Variants in HUNK observed in about 807,000 individuals in gnomAD.
The protein encoded by HUNK is hormonally up-regulated neu tumor-associated kinase.
Under a neutral mutation model 61.0 loss-of-function variants are expected in HUNK, and 21 were observed. The observed-to-expected ratio is 0.34, with a 90% CI of 0.24 to 0.50. HUNK has a LOEUF of 0.50. Ranked by LOEUF, HUNK falls within the 20% of genes least tolerant of loss-of-function variation. The pLI, the probability that HUNK is intolerant of heterozygous loss-of-function variation, is 0.98. For synonymous variants in HUNK, 371 were observed against 386.1 expected, an observed-to-expected ratio of 0.96 and a Z score of 0.46; for missense variants, 772 against 945.7, an observed-to-expected ratio of 0.82 and a Z score of 2.41.
intron 9 of HUNK, among the ~76,000 whole-genome samples, chr21:31,994,013 C>G (rs930486328): frequency 2.7e-4 from 41 of 152,306 alleles, no homozygotes; most frequent in African/African-American, 9.4e-4. Flanking sequence ...CGGGAAAATC[C>G]GCGTTTCCAC....
chr21:31,932,977 A>G (rs1337545291), intron 2 of HUNK, among the ~76,000 whole-genome samples: 1 of 148,698 alleles, frequency 6.7e-6, no homozygotes, highest in East Asian at 2.0e-4. Context: ...CAGTGGTGCA[A>G]TCTCGGCTCT....
chr21:31,918,920 G>A (rs1282166857), intron 1 of HUNK, among the ~76,000 whole-genome samples: 1 of 152,092 alleles, frequency 6.6e-6, no homozygotes, highest in East Asian at 1.9e-4. Context: ...TTGGTACGAC[G>A]GCCCAAGGCC....
intron 2 of HUNK, among the ~76,000 whole-genome samples, chr21:31,934,413 A>G (rs992299348): frequency 1.4e-5 from 2 of 144,188 alleles, no homozygotes; most frequent in African/African-American, 5.3e-5. Flanking sequence ...ACTGCACTCT[A>G]GCCTGGGCAA....
chr21:31,909,501 A>G (rs926306745), intron 1 of HUNK, among the ~76,000 whole-genome samples: 1 of 152,190 alleles, frequency 6.6e-6, no homozygotes, highest in Non-Finnish European at 1.5e-5. Flanking sequence ...TTCTGTTAGC[A>G]TCGCCAAGAT....
chr21:31,879,638 C>G (rs898927675), intron 1 of HUNK, among the ~76,000 whole-genome samples: 1 of 152,118 alleles, frequency 6.6e-6, no homozygotes. Context: ...CGACTCAGGT[C>G]TGTGAGACTA....
At chr21:31,983,700 C>A in intron 8 of HUNK, 91 bp downstream of exon 8, 1 of 883,758 alleles carries the variant, frequency 1.1e-6, no homozygotes, top group Non-Finnish European at 1.9e-6. Flanking sequence ...TACTGTGGGA[C>A]ACTGAAGTAG....
chr21:31,926,384 A>T (rs1390951467), intron 2 of HUNK, among the ~76,000 whole-genome samples: 2 of 152,174 alleles, frequency 1.3e-5, no homozygotes, highest in African/African-American at 4.8e-5. Context: ...AAAAGTGTAT[A>T]ATCTAGTGTT....
chr21:31,898,521 C>T (rs1362053220), intron 1 of HUNK, among the ~76,000 whole-genome samples: 6 of 152,194 alleles, frequency 3.9e-5, no homozygotes, highest in Non-Finnish European at 8.8e-5. Context: ...CCCACCTCGG[C>T]TTCCCAAAGT....
chr21:31,963,937 G>T (rs1382089077), intron 5 of HUNK, among the ~76,000 whole-genome samples: 1 of 152,188 alleles, frequency 6.6e-6, no homozygotes, highest in Non-Finnish European at 1.5e-5. Context: ...CCAAAGAACT[G>T]CCCTTCATTC....
At chr21:31,929,341 C>T (rs1387355737) in intron 2 of HUNK, among the ~76,000 whole-genome samples, 11 of 151,918 alleles carry the variant, frequency 7.2e-5, no homozygotes, top group Admixed American at 6.6e-4. Context: ...TTGCCACAGC[C>T]TCTGTGTCTA....
At chr21:31,885,724 T>G (rs1170476465) in intron 1 of HUNK, among the ~76,000 whole-genome samples, 1 of 152,084 alleles carries the variant, frequency 6.6e-6, no homozygotes, top group Non-Finnish European at 1.5e-5. Context: ...TCTGTCCAAA[T>G]GTTCCCTTTT....
rs538477857 is a variant in HUNK at position 31,997,695 on chromosome 21, G to T, written c.1487-831G>T. Among the ~76,000 whole-genome samples the T allele has an allele frequency of 5.3e-5, 8 of 152,282 alleles. No individual in the cohort carries two copies. In the East Asian group the frequency reaches 1.5e-3, roughly 29 times the overall value. ...TTGCTGAACTGTACACTTAAAAATG[G>T]TTAAGATGATAACATTTCTGCTACG... On this transcript the variant is annotated intron_variant, in intron 10 of 10. Transcript: ENST00000270112.
intron 8 of HUNK, among the ~76,000 whole-genome samples, chr21:31,987,058 A>G (rs1223261771): frequency 6.6e-6 from 1 of 152,120 alleles, no homozygotes; most frequent in Non-Finnish European, 1.5e-5. Context: ...CTCAATAAAT[A>G]TTTGCTCAAT....
At chr21:31,904,289 G>C (rs191690810) in intron 1 of HUNK, among the ~76,000 whole-genome samples, 2 of 152,176 alleles carry the variant, frequency 1.3e-5, no homozygotes, top group Admixed American at 1.3e-4. Flanking sequence ...ACTTTAAATG[G>C]TTGAACAAAT....
At chr21:31,955,452 C>T (rs956796480) in intron 4 of HUNK, among the ~76,000 whole-genome samples, 13 of 150,976 alleles carry the variant, frequency 8.6e-5, no homozygotes, top group African/African-American at 1.7e-4. Context: ...ATAGCCAGGC[C>T]TGGTGGCAGG....
intron 1 of HUNK, among the ~76,000 whole-genome samples, chr21:31,881,263 G>T (rs2833548): frequency 1.3e-5 from 2 of 152,000 alleles, no homozygotes; most frequent in Non-Finnish European, 2.9e-5. Flanking sequence ...TTTTCCATGC[G>T]CATTTTGGAT....
intron 7 of HUNK, among the ~76,000 whole-genome samples, chr21:31,982,377 C>T (rs1394136361): frequency 6.6e-6 from 1 of 152,216 alleles, no homozygotes; most frequent in African/African-American, 2.4e-5. Context: ...AATTTCTGCA[C>T]ATGGCTAATT....
intron 1 of HUNK, among the ~76,000 whole-genome samples, chr21:31,905,426 T>C (rs550805338): frequency 6.6e-6 from 1 of 152,176 alleles, no homozygotes; most frequent in East Asian, 1.9e-4. Context: ...CACTGGGAGA[T>C]AGTAATTAAA....
chr21:31,971,158 A>G (rs2053007802), intron 6 of HUNK, among the ~76,000 whole-genome samples: 1 of 152,012 alleles, frequency 6.6e-6, no homozygotes, highest in South Asian at 2.1e-4. Context: ...GGCTCACTGC[A>G]ACCTCCGCCT....
Sources: allele counts gnomAD v4.1 joint callset (sites outside exome capture counted in the v4.1 genomes callset), GRCh38; gene constraint gnomAD v4.1.1; transcripts MANE v1.5; gene names NCBI Gene and HGNC (gene_info 2026-07-23, HGNC 2026-07-21).